Variants in EYS observed in about 807,000 individuals in gnomAD.
EYS encodes the protein EGF-like photoreceptor maintenance factor, also known as protein eyes shut homolog.
Under a neutral mutation model 282.1 loss-of-function variants are expected in EYS, and 250 were observed. That is an observed-to-expected ratio of 0.89 (90% CI 0.80 to 0.98). The LOEUF is 0.98. Ranked by LOEUF, EYS falls within the 50% of genes least tolerant of loss-of-function variation. The pLI, the probability that EYS is intolerant of heterozygous loss-of-function variation, is 0.00. For synonymous variants in EYS, 1,355 were observed against 1,282.9 expected (o/e 1.06, Z -1.20); for missense variants, 4,016 against 3,709.0 (o/e 1.08, Z -2.15).
At chr6:64,411,554 TA>T (rs1773891537) in intron 28 of EYS, among the ~76,000 whole-genome samples, 1 of 152,068 alleles carries the variant, frequency 6.6e-6, no homozygotes, top group Non-Finnish European at 1.5e-5. Flanking sequence ...TTTAAATATA[TA>T]AAATAGGCTG....
intron 19 of EYS, among the ~76,000 whole-genome samples, chr6:64,861,253 C>T (rs12662394): frequency 0.029 from 4,451 of 152,282 alleles, 125 homozygotes; most frequent in East Asian, 0.16. Context: ...GCTGAGGCGG[C>T]AGGGGACTGG....
intron 22 of EYS, among the ~76,000 whole-genome samples, chr6:64,674,420 G>A (rs1583025737): frequency 1.3e-5 from 2 of 151,944 alleles, no homozygotes; most frequent in African/African-American, 4.8e-5. Flanking sequence ...TATAAGTCAG[G>A]ATCTCTATTT....
intron 28 of EYS, among the ~76,000 whole-genome samples, chr6:64,412,190 T>G (rs1773924015): frequency 6.6e-6 from 1 of 152,018 alleles, no homozygotes; most frequent in African/African-American, 2.4e-5. Flanking sequence ...ATATACATAA[T>G]TTTCTAATAT....
rs1583220644 is a variant in EYS, at chr6:64,849,672, A to G, written c.2993-26850T>C. Among the ~76,000 whole-genome samples the G allele has an allele frequency of 6.6e-5, 10 of 152,156 alleles. No homozygotes were observed. The South Asian group carries it at 2.1e-3, about 32-fold the overall frequency. ...CTGGGGAGGAATTTTTTATAAGCTC[A>G]TTCAAGTTGTGCTTAGAATCCAGTT... On this transcript the variant is annotated intron_variant, in intron 19 of 42. Coordinates refer to ENST00000503581, the MANE Select transcript of EYS (RefSeq NM_001142800.2).
rs548599527 is a variant in EYS, at chr6:64,684,440, C to A, written c.3444-58195G>T. ...GCATTTCAGTAAATGCTAAAAAAAA[C>A]ACAACTGAAGAGAAATTATACTGAA... On this transcript the variant is annotated intron_variant, in intron 22 of 42. Transcript: ENST00000503581. Among the ~76,000 whole-genome samples, 55 of 151,816 alleles carry A rather than the reference C, an allele frequency of 3.6e-4. 2 individuals are homozygous for A. The highest frequency in any genetic ancestry group is 1.3e-3 in the African/African-American group (53 of 41,428).
intron 22 of EYS, among the ~76,000 whole-genome samples, chr6:64,654,253 T>C (rs1358352205): frequency 6.6e-6 from 1 of 152,202 alleles, no homozygotes; most frequent in Non-Finnish European, 1.5e-5. Context: ...AATTGTCTAA[T>C]AAATTAATGA....
At chr6:63,913,355 A>T (rs957515150) in intron 35 of EYS, among the ~76,000 whole-genome samples, 6 of 152,238 alleles carry the variant, frequency 3.9e-5, no homozygotes, top group Non-Finnish European at 8.8e-5. Flanking sequence ...GAATTTATAT[A>T]CAATAAAATT....
intron 40 of EYS, among the ~76,000 whole-genome samples, chr6:63,775,837 T>C (rs1202508850): frequency 1.3e-5 from 2 of 152,310 alleles, no homozygotes; most frequent in Admixed American, 6.5e-5. Flanking sequence ...AACAGCTTTA[T>C]TGAGGTATAA....
chr6:64,666,603 T>C (rs1227835448), intron 22 of EYS, among the ~76,000 whole-genome samples: 2 of 152,210 alleles, frequency 1.3e-5, no homozygotes, highest in Non-Finnish European at 2.9e-5. Context: ...CATTAAATTA[T>C]TGCTAAATAA....
At chr6:64,023,365 G>A (rs986252219) in intron 33 of EYS, among the ~76,000 whole-genome samples, 5 of 152,194 alleles carry the variant, frequency 3.3e-5, no homozygotes, top group East Asian at 1.9e-4. Flanking sequence ...TGCATCTGGG[G>A]TGGAATTGTG....
At chr6:64,014,732 G>A (rs1238925769) in intron 33 of EYS, among the ~76,000 whole-genome samples, 1 of 151,892 alleles carries the variant, frequency 6.6e-6, no homozygotes, top group Non-Finnish European at 1.5e-5. Context: ...CTACCAGCTA[G>A]CACACAGTCT....
At chr6:65,357,459 A>G (rs2150330740) in intron 8 of EYS, among the ~76,000 whole-genome samples, 1 of 152,096 alleles carries the variant, frequency 6.6e-6, no homozygotes, top group Admixed American at 6.6e-5. Flanking sequence ...TTGTCTTTAA[A>G]TTGCTCTGAC....
chr6:64,911,869 G>A (rs1195166444), intron 16 of EYS, among the ~76,000 whole-genome samples: 2 of 152,120 alleles, frequency 1.3e-5, no homozygotes, highest in Non-Finnish European at 1.5e-5. Context: ...AATCAAGAAA[G>A]TTTAATGATA....
Position 63,762,841 on chromosome 6 carries a change from A to C in EYS, c.7899-208T>G, listed in dbSNP as rs917991836. On this transcript the variant is annotated intron_variant, in intron 40 of 42. Coordinates refer to ENST00000503581, the MANE Select transcript of EYS (RefSeq NM_001142800.2). ...CCACACCAAAGACTTTAAACGATTC[A>C]GAGTGTAAAAATTGAAAGAGAATTT... 3.3e-5 allele frequency among the ~76,000 whole-genome samples: 5 copies of C among 152,216 alleles called. No homozygotes were observed. In the East Asian group the frequency reaches 7.7e-4, roughly 24 times the overall value.
chr6:65,246,368 A>T (rs1767179859), intron 12 of EYS, among the ~76,000 whole-genome samples: 1 of 152,192 alleles, frequency 6.6e-6, no homozygotes, highest in Non-Finnish European at 1.5e-5. Context: ...GAATGCAAAT[A>T]AAAGTTTGTT....
intron 11 of EYS, among the ~76,000 whole-genome samples, chr6:65,300,613 A>C (rs1451388475): frequency 1.3e-5 from 2 of 152,154 alleles, no homozygotes; most frequent in East Asian, 3.9e-4. Flanking sequence ...CTCTCCACTT[A>C]TATTGAAAAA....
intron 5 of EYS, chr6:65,489,991 A>G (rs1422633341): frequency 6.6e-6 from 1 of 152,230 alleles, no homozygotes; most frequent in Non-Finnish European, 1.5e-5. Flanking sequence ...GTTGGCGGCT[A>G]GAGGAGGCAT....
chr6:64,025,247 T>C (rs2149823334), intron 33 of EYS, among the ~76,000 whole-genome samples: 1 of 152,156 alleles, frequency 6.6e-6, no homozygotes, highest in Middle Eastern at 3.4e-3. Context: ...GGACCGTTGG[T>C]TTGCCTAGAA....
At chr6:64,770,379 G>A (rs546551437) in intron 22 of EYS, among the ~76,000 whole-genome samples, 1 of 151,950 alleles carries the variant, frequency 6.6e-6, no homozygotes, top group Admixed American at 6.6e-5. Context: ...AAGCTATATA[G>A]GTATGATTAT....
Sources: allele counts gnomAD v4.1 joint callset (sites outside exome capture counted in the v4.1 genomes callset), GRCh38; gene constraint gnomAD v4.1.1; transcripts MANE v1.5; gene names NCBI Gene and HGNC (gene_info 2026-07-23, HGNC 2026-07-21).